The following FBRSL1 variants were observed in gnomAD, a reference collection of about 807,000 sequenced individuals.
FBRSL1 encodes fibrosin-1-like protein.
In FBRSL1, 51 loss-of-function variants were observed where a neutral mutation model predicts 89.6. That is an observed-to-expected ratio of 0.57 (90% CI 0.45 to 0.72). The LOEUF is 0.72. Among genes scored for constraint, FBRSL1 ranks in the 30% least tolerant of loss-of-function variants. FBRSL1 has a pLI of 0.00. For missense variants in FBRSL1, 1,618 were observed against 1,451.8 expected (o/e 1.11, Z -1.86); for synonymous variants, 779 against 681.1 (o/e 1.14, Z -2.24).
rs1216133420 is a variant in FBRSL1 at position 132,546,781 on chromosome 12, C to T, written c.616-1222C>T. ...GCTGGGGTCCCACTTGTAGGAGCCA[C>T]CTGGAGTGTGACTCGTCATGCGCTG... On this transcript the variant is annotated intron_variant, in intron 4 of 18. Transcript: ENST00000680143. The surrounding 1 kb of genome is among the most constrained non-coding windows in gnomAD (Gnocchi z 4.0). 6.6e-6 allele frequency among the ~76,000 whole-genome samples: 1 copy of T among 152,218 alleles called. No individual in the cohort carries two copies. The highest frequency in any genetic ancestry group is 6.5e-5 in the Admixed American group (1 of 15,288).
intron 1 of FBRSL1, among the ~76,000 whole-genome samples, chr12:132,505,980 G>A (rs1446705190): frequency 6.6e-6 from 1 of 152,252 alleles, no homozygotes; most frequent in African/African-American, 2.4e-5. Context: ...TGCTGGCTGG[G>A]GGTGTGTGGG....
chr12:132,559,075 A>C (rs1182255898), intron 5 of FBRSL1, among the ~76,000 whole-genome samples: 1 of 152,276 alleles, frequency 6.6e-6, no homozygotes, highest in Non-Finnish European at 1.5e-5. Context: ...GGTCAGGCGC[A>C]CATAAGCAGC....
chr12:132,515,718 G>GGT (rs2034778043), intron 2 of FBRSL1, among the ~76,000 whole-genome samples: 1 of 151,874 alleles, frequency 6.6e-6, no homozygotes, highest in South Asian at 2.1e-4. Context: ...TGGCCAACAT[G>GGT]GTGAAACCCG....
At chr12:132,524,782 G>A (rs2035648593) in intron 2 of FBRSL1, among the ~76,000 whole-genome samples, 1 of 152,194 alleles carries the variant, frequency 6.6e-6, no homozygotes. Flanking sequence ...GCTGGGCGCT[G>A]GCCAGCAGGA....
rs760667447 is a variant in FBRSL1 at position 132,570,395 on chromosome 12, G to A, written c.1068G>A (p.Pro356=). Residue 356 remains proline, a synonymous_variant, in exon 8 of 19, where the codon CCG becomes CCA. Coordinates refer to ENST00000680143, the MANE Select transcript of FBRSL1 (RefSeq NM_001367871.1). The part of the protein sequence containing the change: ...GKHVSLSPHG[P]GPHLSTSHLA... ...ACGTGTCGCTGTCGCCACACGGGCC[G>A]GGCCCCCACCTGTCTACCTCACACC... 213 of 1,534,340 alleles carry A rather than the reference G, an allele frequency of 1.4e-4. No individual in the cohort carries two copies. Among genetic ancestry groups the A allele is most frequent in the South Asian group, 3.9e-4 (33 of 83,658 alleles).
intron 1 of FBRSL1, among the ~76,000 whole-genome samples, chr12:132,502,129 T>C (rs895884388): frequency 6.6e-6 from 1 of 152,220 alleles, no homozygotes; most frequent in Non-Finnish European, 1.5e-5. Flanking sequence ...TCCTGATGCG[T>C]CCTCATGCCC....
chr12:132,526,403 G>A (rs1297712187), intron 3 of FBRSL1, among the ~76,000 whole-genome samples: 3 of 152,246 alleles, frequency 2.0e-5, no homozygotes. Context: ...TCCTCTAATT[G>A]CCAGCCCCTG....
intron 3 of FBRSL1, among the ~76,000 whole-genome samples, chr12:132,527,602 G>A (rs1372160367): frequency 2.0e-5 from 3 of 151,718 alleles, no homozygotes; most frequent in African/African-American, 7.2e-5. Flanking sequence ...CTGCGGGGCA[G>A]GGTTGAGGGC....
intron 1 of FBRSL1, among the ~76,000 whole-genome samples, chr12:132,507,644 T>G (rs929479437): frequency 7.2e-5 from 11 of 152,094 alleles, no homozygotes; most frequent in African/African-American, 2.7e-4. Context: ...CACAGACCCG[T>G]CTGGGAGCAC....
intron 14 of FBRSL1, among the ~76,000 whole-genome samples, chr12:132,575,082 CAG>C (rs1002134570): frequency 1.3e-5 from 2 of 152,104 alleles, no homozygotes; most frequent in Non-Finnish European, 2.9e-5. Context: ...GAGGCCAGGA[CAG>C]GGGGACTGTT....
At position 132,570,497 on chromosome 12, in the gene FBRSL1, G is replaced by A. The variant is rs560783368; in HGVS notation, c.1170G>A (p.Pro390=). Residue 390 remains proline (P), a synonymous_variant, in exon 8 of 19, where the codon CCG becomes CCA. Transcript: ENST00000680143. ...FAAPPTLPPP[P]ALPASSLVLP... is the part of the protein sequence containing the mutation. ...CACCCCCGACACTGCCCCCGCCCCC[G>A]GCGCTGCCGGCCAGCAGCCTGGTCC... 16 of 1,527,314 alleles carry A rather than the reference G, an allele frequency of 1.0e-5. No individual in the cohort carries two copies. Among genetic ancestry groups the A allele is most frequent in the African/African-American group, 2.8e-5 (2 of 72,146 alleles). 94.6% of individuals were successfully genotyped at this position (1,527,314 alleles called of 1,614,324 possible).
At chr12:132,513,845 T>C (rs1340651116) in intron 2 of FBRSL1, among the ~76,000 whole-genome samples, 2 of 152,094 alleles carry the variant, frequency 1.3e-5, no homozygotes, top group Non-Finnish European at 2.9e-5. Flanking sequence ...TCAGGCCAAG[T>C]CCATGAGCCA....
chr12:132,583,743 C>G lies in FBRSL1; in HGVS notation c.2974C>G (p.Pro992Ala). 8.2e-7 allele frequency: 1 copy of G among 1,217,290 alleles called. No individual in the cohort carries two copies. The highest frequency in any genetic ancestry group is 3.3e-5 in the East Asian group (1 of 30,726). The allele number at this position is 1,217,290 out of a possible 1,614,324, so 75.4% of individuals were successfully genotyped here. A position where few individuals can be genotyped will look rare whatever the true frequency, so the allele number is the denominator to read the frequency against. The change falls in exon 19 of 19, where the codon CCG (proline) becomes GCG (alanine). Residue 992 changes from proline to alanine, a missense_variant. By Grantham distance (27) the Pro-to-Ala change is conservative. Transcript: ENST00000680143. ...GCCGGGCGAGGCGCGCGACTACTCC[C>G]CGTCCCGAAATCCCCCGGAGGTGGA... ...LGPGEARDYS[P>A]SRNPPEVEAR
chr12:132,502,354 C>T (rs2033091551), intron 1 of FBRSL1, among the ~76,000 whole-genome samples: 2 of 152,234 alleles, frequency 1.3e-5, no homozygotes, highest in African/African-American at 4.8e-5. Context: ...CTCAGCCCTC[C>T]ACCCCCGGCC....
chr12:132,534,925 G>T (rs2036584910), intron 4 of FBRSL1, among the ~76,000 whole-genome samples: 1 of 152,244 alleles, frequency 6.6e-6, no homozygotes, highest in Non-Finnish European at 1.5e-5. Context: ...ACAGCTCCCT[G>T]CAGCGCTCCC....
chr12:132,551,255 C>G (rs1310452958), intron 5 of FBRSL1: 7 of 383,330 alleles, frequency 1.8e-5, no homozygotes, highest in African/African-American at 1.5e-4. Context: ...GAAGGAAGGT[C>G]CCCGAGTGCC....
chr12:132,519,066 C>T (rs138452571), intron 2 of FBRSL1, among the ~76,000 whole-genome samples: 3 of 152,268 alleles, frequency 2.0e-5, no homozygotes, highest in South Asian at 2.1e-4. Flanking sequence ...CCGCACTGGG[C>T]GGGCAGTACC....
At position 132,499,055 on chromosome 12, in the gene FBRSL1, C is replaced by T. The variant is rs1365875086; in HGVS notation, c.291+8194C>T. Among the ~76,000 whole-genome samples the T allele has an allele frequency of 6.6e-6, 1 of 152,236 alleles. No individual in the cohort carries two copies. Among genetic ancestry groups the T allele is most frequent in the East Asian group, 1.9e-4 (1 of 5,198 alleles). Reference sequence around the variant, plus strand: ...CTGCCACCTCTGCTGTCCCCTGGGACAGTGCTCTGCAAGGCCTCCAGGAGC... The same window carrying T: ...CTGCCACCTCTGCTGTCCCCTGGGATAGTGCTCTGCAAGGCCTCCAGGAGC... On this transcript the variant is annotated intron_variant, in intron 1 of 18. Coordinates refer to ENST00000680143, the MANE Select transcript of FBRSL1 (RefSeq NM_001367871.1). This position sits in a 1 kb window ranked among gnomAD's most constrained non-coding sequence, Gnocchi z 4.3.
intron 4 of FBRSL1, among the ~76,000 whole-genome samples, chr12:132,535,112 C>G (rs1029084259): frequency 2.0e-5 from 3 of 152,220 alleles, no homozygotes; most frequent in Non-Finnish European, 4.4e-5. Context: ...ACAGGCCGGG[C>G]TGCTGTGACA....
Sources: gnomAD v4.1 joint callset for allele counts (sites outside exome capture counted in the v4.1 genomes callset) on GRCh38, gnomAD v4.1.1 for gene constraint, Gnocchi (gnomAD v3.1) non-coding constraint, MANE v1.5 for transcripts, NCBI Gene and HGNC (gene_info 2026-07-23, HGNC 2026-07-21) for gene names.